The following PHKB variants were observed in gnomAD, a reference collection of about 807,000 sequenced individuals.
The protein encoded by PHKB is phosphorylase b kinase regulatory subunit beta.
PHKB carries 122 observed loss-of-function variants against 152.1 expected under a neutral mutation model. The ratio of observed to expected loss-of-function variants is 0.80; its 90% CI spans 0.69 to 0.93. The LOEUF is 0.93. PHKB is among the 40% of genes least tolerant of loss of function. The pLI is 0.00. For missense variants in PHKB, 1,304 were observed against 1,328.4 expected (o/e 0.98, Z 0.29); for synonymous variants, 436 against 464.9 (o/e 0.94, Z 0.80).
chr16:47,589,355 CT>C (rs1440987664), intron 10 of PHKB, among the ~76,000 whole-genome samples: 7 of 152,208 alleles, frequency 4.6e-5, no homozygotes, highest in African/African-American at 1.7e-4. Flanking sequence ...ATAGTGAATG[CT>C]CAGTAAGTGT....
chr16:47,654,391 TG>T (rs1199222618), intron 20 of PHKB, among the ~76,000 whole-genome samples: 1 of 152,036 alleles, frequency 6.6e-6, no homozygotes, highest in Non-Finnish European at 1.5e-5. Context: ...GATGTCGGTG[TG>T]GCGATTCCTC....
At chr16:47,534,981 A>G (rs1459439857) in intron 6 of PHKB, among the ~76,000 whole-genome samples, 2 of 152,236 alleles carry the variant, frequency 1.3e-5, no homozygotes, top group Non-Finnish European at 2.9e-5. Context: ...AAATACAAGG[A>G]GGACTAAAAT....
chr16:47,531,514 A>G (rs1231370599), intron 6 of PHKB, among the ~76,000 whole-genome samples: 4 of 152,322 alleles, frequency 2.6e-5, no homozygotes, highest in Middle Eastern at 3.4e-3. Flanking sequence ...TATTAATTTT[A>G]AAATAATCCA....
chr16:47,540,388 G>A (rs1286768244), intron 6 of PHKB, among the ~76,000 whole-genome samples: 4 of 151,970 alleles, frequency 2.6e-5, no homozygotes, highest in African/African-American at 9.7e-5. Context: ...TTTGCCTTTT[G>A]TCCTGTTTCC....
intron 1 of PHKB, among the ~76,000 whole-genome samples, chr16:47,494,765 T>G (rs1050367675): frequency 6.6e-6 from 1 of 152,256 alleles, no homozygotes; most frequent in South Asian, 2.1e-4. Flanking sequence ...TTTAATTTGC[T>G]TTGGGAATTC....
intron 1 of PHKB, among the ~76,000 whole-genome samples, chr16:47,478,975 G>C (rs1969918203): frequency 6.6e-6 from 1 of 152,154 alleles, no homozygotes; most frequent in Non-Finnish European, 1.5e-5. Context: ...TGGAGATCTT[G>C]TTTTTGGTGT....
At chr16:47,505,362 G>A (rs951030095) in intron 4 of PHKB, 1 of 152,326 alleles carries the variant, frequency 6.6e-6, no homozygotes, top group Non-Finnish European at 1.5e-5. Context: ...GTTGATACAG[G>A]AGGAGGGCGG....
chr16:47,691,082 C>T (rs1597185150), intron 27 of PHKB, among the ~76,000 whole-genome samples: 1 of 151,968 alleles, frequency 6.6e-6, no homozygotes, highest in Non-Finnish European at 1.5e-5. Flanking sequence ...GAAAAGTGCA[C>T]AACATCACTT....
intron 1 of PHKB, among the ~76,000 whole-genome samples, chr16:47,472,531 G>A (rs974847027): frequency 6.6e-6 from 1 of 151,968 alleles, no homozygotes; most frequent in African/African-American, 2.4e-5. Flanking sequence ...GCCTGTAATC[G>A]CAGCACTTTG....
At chr16:47,602,542 C>CTTTTTTTTTTTTTTTTTTT (rs34655174) in intron 13 of PHKB, among the ~76,000 whole-genome samples, 4 of 122,636 alleles carry the variant, frequency 3.3e-5, no homozygotes, top group East Asian at 2.3e-4. Context: ...GCTTCTCTTC[C>CTTTTTTTTTTTTTTTTTTT]TTTTTTTTTT....
At chr16:47,656,574 G>A (rs533424288) in intron 20 of PHKB, among the ~76,000 whole-genome samples, 7 of 152,246 alleles carry the variant, frequency 4.6e-5, no homozygotes, top group Non-Finnish European at 1.0e-4. Flanking sequence ...TCATTTTTAA[G>A]TGTCCAGTTT....
chr16:47,508,400 T>C (rs1358895539), intron 4 of PHKB, among the ~76,000 whole-genome samples: 4 of 152,212 alleles, frequency 2.6e-5, no homozygotes, highest in African/African-American at 9.6e-5. Context: ...GGCAGACATT[T>C]GCTTTATAAT....
chr16:47,560,902 T>C (rs1971465397), intron 7 of PHKB, among the ~76,000 whole-genome samples: 1 of 152,112 alleles, frequency 6.6e-6, no homozygotes, highest in Admixed American at 6.6e-5. Context: ...GAAGATATAT[T>C]TTGTGGGAAG....
Position 47,498,415 on chromosome 16 carries a change from C to T in PHKB, c.166+927C>T, listed in dbSNP as rs142799249. ...TTTAGAGGCTGGGCATGGTGGCTCA[C>T]GCCTGTAATCCCAGCACTTTGGGAG... On this transcript the variant is annotated intron_variant, in intron 2 of 30. Coordinates refer to ENST00000323584, the MANE Select transcript of PHKB (RefSeq NM_000293.3). 9.1e-4 allele frequency among the ~76,000 whole-genome samples: 139 copies of T among 152,070 alleles called. 1 individual carries two copies. The highest frequency in any genetic ancestry group is 2.9e-3 in the African/African-American group (120 of 41,500).
At chr16:47,699,074 C>T in intron 30 of PHKB, 155 bp from the exon 31 acceptor site, 1 of 719,276 alleles carries the variant, frequency 1.4e-6, no homozygotes, top group Non-Finnish European at 2.5e-6. Flanking sequence ...TTTATATACA[C>T]CTCAGGAAAA....
Position 47,665,555 on chromosome 16 carries a change from G to A in PHKB, c.2427+580G>A. The A allele has an allele frequency of 1.3e-5, 4 of 300,554 alleles. No homozygotes were observed. In the South Asian group the frequency reaches 1.4e-4, roughly 10 times the overall value. The allele number at this position is 300,554 out of a possible 1,614,324, so 18.6% of individuals were successfully genotyped here. A position where few individuals can be genotyped will look rare whatever the true frequency, so the allele number is the denominator to read the frequency against. ...TGATTTAAAGTGGTTATAGAAATAG[G>A]TCACATGTACTAGTGACAGATTTAG... On this transcript the variant is annotated intron_variant, in intron 25 of 30. Transcript: ENST00000323584.
At chr16:47,642,104 A>G (rs897633355) in intron 16 of PHKB, among the ~76,000 whole-genome samples, 1 of 150,894 alleles carries the variant, frequency 6.6e-6, no homozygotes, top group Non-Finnish European at 1.5e-5. Flanking sequence ...TTTATCTTTG[A>G]TTTTTTCGCC....
chr16:47,590,004 C>A (rs1390124994), intron 10 of PHKB, among the ~76,000 whole-genome samples: 2 of 152,114 alleles, frequency 1.3e-5, no homozygotes, highest in African/African-American at 4.8e-5. Context: ...GTTGGCCAGG[C>A]TGGTCTTCAA....
intron 8 of PHKB, among the ~76,000 whole-genome samples, chr16:47,583,503 A>G (rs576308532): frequency 6.6e-6 from 1 of 152,322 alleles, no homozygotes; most frequent in African/African-American, 2.4e-5. Flanking sequence ...ATTGATATTC[A>G]CTGTTATTTC....
Sources: gnomAD v4.1 joint callset for allele counts (sites outside exome capture counted in the v4.1 genomes callset) on GRCh38, gnomAD v4.1.1 for gene constraint, MANE v1.5 for transcripts, NCBI Gene and HGNC (gene_info 2026-07-23, HGNC 2026-07-21) for gene names.